The following PARD3B variants were observed in gnomAD, a reference collection of about 807,000 sequenced individuals.
PARD3B encodes partitioning defective 3 homolog B.
A neutral mutation model predicts 130.2 loss-of-function variants in PARD3B; 103 were observed. The observed-to-expected ratio is 0.79, with a 90% CI of 0.67 to 0.93. The LOEUF (loss-of-function observed/expected upper bound fraction) is 0.93, where lower values mean the gene tolerates loss of function less well. PARD3B is among the 40% of genes least tolerant of loss of function. PARD3B has a pLI of 0.00. For missense variants in PARD3B, 1,609 were observed against 1,499.2 expected, an observed-to-expected ratio of 1.07 and a Z score of -1.21; for synonymous variants, 583 against 553.2, an observed-to-expected ratio of 1.05 and a Z score of -0.76.
rs1038906263 is a variant in PARD3B at position 205,550,860 on chromosome 2, TTGTA to T, written c.3181-2458_3181-2455del. 2.7e-5 allele frequency among the ~76,000 whole-genome samples: 4 copies of T among 147,310 alleles called. No homozygotes were observed. The highest frequency in any genetic ancestry group is 6.0e-5 in the Non-Finnish European group (4 of 66,816). On this transcript the variant is annotated intron_variant, in intron 21 of 22. Transcript: ENST00000406610. The surrounding 1 kb of genome is among the most constrained non-coding windows in gnomAD (Gnocchi z 4.5). ...ATATTTGAATATTTTATATGTATAT[TTGTA>T]TGTATATATGTATATTTGTATGTAT...
Position 204,621,425 on chromosome 2 carries a change from C to T in PARD3B, c.121-64756C>T, listed in dbSNP as rs891125801. On this transcript the variant is annotated intron_variant, in intron 1 of 22. Coordinates refer to ENST00000406610, the MANE Select transcript of PARD3B (RefSeq NM_001302769.2). ...ATAAGTTCTATAAACTTAGTTTAGA[C>T]ATAATATTTCTACTAAATAATGCTA... Among the ~76,000 whole-genome samples, 8 of 152,116 alleles carry T rather than the reference C, an allele frequency of 5.3e-5. No homozygotes were observed. In the East Asian group the frequency reaches 9.6e-4, roughly 18 times the overall value.
chr2:204,613,998 T>C (rs1484467590), intron 1 of PARD3B, among the ~76,000 whole-genome samples: 1 of 152,076 alleles, frequency 6.6e-6, no homozygotes, highest in Non-Finnish European at 1.5e-5. Context: ...CCCTGTGAGG[T>C]AATTCTGTGT....
At position 205,300,237 on chromosome 2, in the gene PARD3B, G is replaced by T. The variant is rs1053405026; in HGVS notation, c.2186-293G>T. ...TAGCTACAGCCTTTCAAATTCATAG[G>T]TGTGTGTGTATATGCCTATAGACAC... On this transcript the variant is annotated intron_variant, in intron 16 of 22. Transcript: ENST00000406610. The surrounding 1 kb of genome is among the most constrained non-coding windows in gnomAD (Gnocchi z 4.1). 6.6e-6 allele frequency among the ~76,000 whole-genome samples: 1 copy of T among 152,034 alleles called. No homozygotes were observed. The highest frequency in any genetic ancestry group is 2.4e-5 in the African/African-American group (1 of 41,374).
chr2:205,115,733 A>G (rs750722056), intron 6 of PARD3B, among the ~76,000 whole-genome samples: 10 of 152,200 alleles, frequency 6.6e-5, no homozygotes, highest in Non-Finnish European at 1.2e-4. Flanking sequence ...AACTGTGTAT[A>G]GAGCATGTCA....
At chr2:205,099,825 T>G (rs1271611321) in intron 4 of PARD3B, among the ~76,000 whole-genome samples, 1 of 152,204 alleles carries the variant, frequency 6.6e-6, no homozygotes, top group East Asian at 1.9e-4. Flanking sequence ...TTAGTTGAGA[T>G]GATAAACTAT....
In PARD3B at chr2:204,678,127, G is replaced by A. The variant is rs1414109771; in HGVS notation, c.121-8054G>A. Among the ~76,000 whole-genome samples, 1 of 152,176 alleles carries A rather than the reference G, an allele frequency of 6.6e-6. No homozygotes were observed. The highest frequency in any genetic ancestry group is 1.5e-5 in the Non-Finnish European group (1 of 68,042). ...TCCCTGACTCCCTCGCAGGACTTGC[G>A]ATGAGGGGTGGCTCCTTTGCAGCCG... On this transcript the variant is annotated intron_variant, in intron 1 of 22. Transcript: ENST00000406610. The surrounding 1 kb of genome is among the most constrained non-coding windows in gnomAD (Gnocchi z 4.2).
intron 18 of PARD3B, among the ~76,000 whole-genome samples, chr2:205,337,971 A>T (rs1202258619): frequency 6.6e-6 from 1 of 151,782 alleles, no homozygotes; most frequent in Non-Finnish European, 1.5e-5. Context: ...AAGGTGGTGA[A>T]ACCCCGTCTC....
At chr2:205,382,400 G>A (rs142295805) in intron 18 of PARD3B, among the ~76,000 whole-genome samples, 11 of 152,176 alleles carry the variant, frequency 7.2e-5, no homozygotes, top group Admixed American at 1.3e-4. Flanking sequence ...ACATGATGTT[G>A]ATGTATCTTA....
chr2:204,917,195 T>C (rs2047478608), intron 2 of PARD3B, among the ~76,000 whole-genome samples: 1 of 151,922 alleles, frequency 6.6e-6, no homozygotes, highest in East Asian at 1.9e-4. Context: ...AGTTGGTGGG[T>C]GGGTGGATCA....
chr2:204,842,597 C>T (rs2044297701), intron 2 of PARD3B, among the ~76,000 whole-genome samples: 1 of 151,968 alleles, frequency 6.6e-6, no homozygotes, highest in African/African-American at 2.4e-5. Flanking sequence ...GGGGGTTTTT[C>T]CCATTTAAAT....
intron 20 of PARD3B, among the ~76,000 whole-genome samples, chr2:205,477,358 C>T (rs13410658): frequency 0.14 from 21,152 of 152,084 alleles, 2,753 homozygotes; most frequent in African/African-American, 0.35. Flanking sequence ...TTTTTATAGA[C>T]TCTCTCCCTT....
chr2:205,028,855 C>A (rs895674831), intron 3 of PARD3B, among the ~76,000 whole-genome samples: 49 of 152,046 alleles, frequency 3.2e-4, no homozygotes, highest in African/African-American at 1.2e-3. Flanking sequence ...AATCAACGTA[C>A]AAAAGTCAGT....
intron 10 of PARD3B, among the ~76,000 whole-genome samples, chr2:205,141,756 C>T (rs918725078): frequency 1.5e-4 from 23 of 152,074 alleles, no homozygotes; most frequent in Non-Finnish European, 2.6e-4. Flanking sequence ...TCCAAAATAC[C>T]ATTTGATGAT....
At chr2:205,201,596 G>T (rs904139871) in intron 15 of PARD3B, among the ~76,000 whole-genome samples, 2 of 152,164 alleles carry the variant, frequency 1.3e-5, no homozygotes, top group East Asian at 1.9e-4. Flanking sequence ...CCAGCCCTTT[G>T]GGGGGCCAAG....
chr2:205,569,931 C>T (rs547233135), intron 22 of PARD3B, among the ~76,000 whole-genome samples: 1 of 152,244 alleles, frequency 6.6e-6, no homozygotes, highest in Admixed American at 6.5e-5. Flanking sequence ...CACACACACC[C>T]CTCATCTCCT....
At chr2:204,984,909 AC>A (rs376914074) in intron 3 of PARD3B, among the ~76,000 whole-genome samples, 1 of 141,116 alleles carries the variant, frequency 7.1e-6, no homozygotes, top group South Asian at 2.5e-4. Flanking sequence ...TCCACTGCCC[AC>A]CCCCCCGCAC....
intron 15 of PARD3B, among the ~76,000 whole-genome samples, chr2:205,212,034 T>G (rs2037667403): frequency 6.6e-6 from 1 of 152,122 alleles, no homozygotes. Context: ...TCAGCTTTAA[T>G]AAATAAGTAG....
chr2:204,931,492 T>C (rs1465315469), intron 2 of PARD3B, among the ~76,000 whole-genome samples: 2 of 151,984 alleles, frequency 1.3e-5, no homozygotes, highest in African/African-American at 4.8e-5. Flanking sequence ...CAACATGAGG[T>C]TTTATTAAAA....
At position 205,147,131 on chromosome 2, in the gene PARD3B, G is replaced by A. The variant is rs575199343; in HGVS notation, c.1435-11591G>A. 1.3e-4 allele frequency among the ~76,000 whole-genome samples: 20 copies of A among 152,202 alleles called. No homozygotes were observed. The East Asian group carries it at 3.5e-3, about 26-fold the overall frequency. On this transcript the variant is annotated intron_variant, in intron 10 of 22. Coordinates refer to ENST00000406610, the MANE Select transcript of PARD3B (RefSeq NM_001302769.2). Reference sequence around the variant, plus strand: ...GAAAGAAGTAAAAACAAAACAAAACGTCCTATTGTTCCTCAATATAAACAA... The same window carrying A: ...GAAAGAAGTAAAAACAAAACAAAACATCCTATTGTTCCTCAATATAAACAA...
Sources: gnomAD v4.1 joint callset for allele counts (sites outside exome capture counted in the v4.1 genomes callset) on GRCh38, gnomAD v4.1.1 for gene constraint, Gnocchi (gnomAD v3.1) non-coding constraint, MANE v1.5 for transcripts, NCBI Gene and HGNC (gene_info 2026-07-23, HGNC 2026-07-21) for gene names.